THSD4: variants seen among roughly 807,000 people sequenced by gnomAD.
THSD4 encodes the protein thrombospondin type 1 domain containing 4, also known as thrombospondin type-1 domain-containing protein 4.
THSD4 carries 69 observed loss-of-function variants against 119.0 expected under a neutral mutation model. That is an observed-to-expected ratio of 0.58 (90% CI 0.48 to 0.71). The LOEUF (loss-of-function observed/expected upper bound fraction) is 0.71. Ranked by LOEUF, THSD4 falls within the 30% of genes least tolerant of loss-of-function variation. The pLI is 0.00. For synonymous variants in THSD4, 524 were observed against 540.4 expected (o/e 0.97, Z 0.42); for missense variants, 1,393 against 1,391.1 (o/e 1.00, Z -0.02).
chr15:71,224,959 G>A (rs925888696), intron 4 of THSD4, among the ~76,000 whole-genome samples: 2 of 152,156 alleles, frequency 1.3e-5, no homozygotes, highest in African/African-American at 4.8e-5. Flanking sequence ...CTGGGGGTTA[G>A]GATGTGGACA....
At chr15:71,532,971 A>T (rs2048637946) in intron 7 of THSD4, among the ~76,000 whole-genome samples, 2 of 152,212 alleles carry the variant, frequency 1.3e-5, no homozygotes, top group Non-Finnish European at 2.9e-5. Flanking sequence ...ACCTTTGGTC[A>T]TGGAAAGAAA....
In THSD4 at chr15:71,121,604, C is replaced by T. The variant is rs569037128; in HGVS notation, c.-80+5906C>T. ...GCCCCTTTGATGACATTACCCTGCCCCTCGTCTCCTGCCCTCATGCTAGGT... is the reference window on the plus strand; with the variant it reads ...GCCCCTTTGATGACATTACCCTGCCTCTCGTCTCCTGCCCTCATGCTAGGT... On this transcript the variant is annotated intron_variant, in intron 1 of 17. Coordinates refer to ENST00000261862, the MANE Select transcript of THSD4 (RefSeq NM_024817.3). Among the ~76,000 whole-genome samples, 57 of 152,142 alleles carry T rather than the reference C, an allele frequency of 3.7e-4. 1 individual carries two copies. Among genetic ancestry groups the T allele is most frequent in the Non-Finnish European group, 4.9e-4 (33 of 68,032 alleles).
chr15:71,686,132 G>T (rs1214638245), intron 8 of THSD4, among the ~76,000 whole-genome samples: 1 of 152,110 alleles, frequency 6.6e-6, no homozygotes, highest in African/African-American at 2.4e-5. Flanking sequence ...GTACAGTTCA[G>T]TGGCATTAAG....
chr15:71,547,192 G>A lies in THSD4; in HGVS notation c.1153-113338G>A, dbSNP rs538483994. ...CTGGCTCCTGTCCCCTCCCCCAGCC[G>A]GGAGAAGTTATTACATGAAGAGATC... On this transcript the variant is annotated intron_variant, in intron 7 of 17. Transcript: ENST00000261862. 3.8e-4 allele frequency: 502 copies of A among 1,317,096 alleles called. 6 individuals are homozygous for A. The South Asian group carries it at 6.2e-3, about 16-fold the overall frequency. The allele number at this position is 1,317,096 out of a possible 1,614,324, so 81.6% of individuals were successfully genotyped here. A position where few individuals can be genotyped will look rare whatever the true frequency, so the allele number is the denominator to read the frequency against.
intron 15 of THSD4, among the ~76,000 whole-genome samples, chr15:71,760,701 A>G (rs1177781773): frequency 1.3e-5 from 2 of 152,232 alleles, no homozygotes; most frequent in East Asian, 1.9e-4. Flanking sequence ...CATTTATTGC[A>G]ATAGATATAT....
chr15:71,589,760 T>C (rs2049759332), intron 7 of THSD4, among the ~76,000 whole-genome samples: 1 of 139,504 alleles, frequency 7.2e-6, no homozygotes, highest in African/African-American at 2.5e-5. Context: ...ATAATGTTGC[T>C]AGCAGCACTG....
intron 7 of THSD4, among the ~76,000 whole-genome samples, chr15:71,628,081 C>T (rs1411582854): frequency 6.6e-6 from 1 of 152,178 alleles, no homozygotes; most frequent in Admixed American, 6.5e-5. Context: ...AACAAGTTAT[C>T]ATGGCCAGGC....
chr15:71,388,347 G>A (rs1239248674), intron 6 of THSD4, among the ~76,000 whole-genome samples: 1 of 152,116 alleles, frequency 6.6e-6, no homozygotes, highest in Admixed American at 6.5e-5. Context: ...GTGAAGTGAT[G>A]GAAATTTATC....
rs374123828 is a variant in THSD4 at position 71,748,439 on chromosome 15, G to A, written c.2260G>A (p.Val754Met). ...DWTSCSVPCG[V>M]GQRTRDVKCV... ...GTTTCAGTGCTCGGTGCCCTGCGGC[G>A]TGGGACAGAGGACCCGTGATGTGAA... The change falls in exon 14 of 18, where the codon GTG (valine) becomes ATG (methionine). Residue 754 changes from valine to methionine, a missense_variant. By Grantham distance (21) the Val-to-Met change is conservative. Transcript: ENST00000261862. 3.2e-5 allele frequency: 52 copies of A among 1,614,180 alleles called. No homozygotes were observed. Among genetic ancestry groups the A allele is most frequent in the Non-Finnish European group, 3.5e-5 (41 of 1,180,028 alleles).
At chr15:71,304,623 A>G (rs1479996344) in intron 6 of THSD4, among the ~76,000 whole-genome samples, 2 of 152,230 alleles carry the variant, frequency 1.3e-5, no homozygotes, top group African/African-American at 4.8e-5. Context: ...AACATTACCT[A>G]AGAACTTTGA....
At chr15:71,432,438 T>C (rs570212203) in intron 7 of THSD4, among the ~76,000 whole-genome samples, 12 of 151,826 alleles carry the variant, frequency 7.9e-5, no homozygotes, top group Non-Finnish European at 1.3e-4. Flanking sequence ...TACTCTTTGA[T>C]AGACGGGAGA....
At chr15:71,357,324 C>T (rs977075790) in intron 6 of THSD4, among the ~76,000 whole-genome samples, 1 of 152,150 alleles carries the variant, frequency 6.6e-6, no homozygotes, top group African/African-American at 2.4e-5. Context: ...TGCTCTAGAC[C>T]CCATCGCTGA....
chr15:71,705,195 A>C (rs990604501), intron 8 of THSD4, among the ~76,000 whole-genome samples: 8 of 152,130 alleles, frequency 5.3e-5, no homozygotes, highest in African/African-American at 1.9e-4. Flanking sequence ...GGCCAGAGGG[A>C]TGGGCACCCG....
chr15:71,464,885 C>G (rs767816359), intron 7 of THSD4, among the ~76,000 whole-genome samples: 3 of 152,074 alleles, frequency 2.0e-5, no homozygotes, highest in Non-Finnish European at 2.9e-5. Flanking sequence ...AAACACTACC[C>G]CCTCCCCCTT....
chr15:71,146,707 C>T (rs1013327201), intron 2 of THSD4, among the ~76,000 whole-genome samples: 15 of 152,122 alleles, frequency 9.9e-5, no homozygotes, highest in African/African-American at 3.6e-4. Context: ...GAATCGGCCG[C>T]AGTCTTGTCT....
chr15:71,395,914 GACACACACAC>G (rs58433075), intron 6 of THSD4, among the ~76,000 whole-genome samples: 38 of 133,296 alleles, frequency 2.9e-4, no homozygotes, highest in Non-Finnish European at 3.3e-4. Flanking sequence ...TTTGAAGAGA[GACACACACAC>G]ACACACACAC....
intron 7 of THSD4, among the ~76,000 whole-genome samples, chr15:71,435,081 A>T (rs1050441294): frequency 3.3e-5 from 5 of 152,256 alleles, no homozygotes; most frequent in African/African-American, 1.2e-4. Flanking sequence ...GATCAATGAC[A>T]AATGTGTGCT....
chr15:71,659,676 T>C (rs954457), intron 7 of THSD4, among the ~76,000 whole-genome samples: 39,852 of 152,052 alleles, frequency 0.26, 6,016 homozygotes, highest in East Asian at 0.7. Context: ...CCTCCTAAAG[T>C]GCTGAGACTA....
intron 2 of THSD4, among the ~76,000 whole-genome samples, chr15:71,149,531 G>A (rs946685095): frequency 6.6e-6 from 1 of 152,078 alleles, no homozygotes; most frequent in Non-Finnish European, 1.5e-5. Flanking sequence ...TTACAGATGT[G>A]AGCCACTGTG....
Sources: gnomAD v4.1 joint callset for allele counts (sites outside exome capture counted in the v4.1 genomes callset) on GRCh38, gnomAD v4.1.1 for gene constraint, MANE v1.5 for transcripts, NCBI Gene and HGNC (gene_info 2026-07-23, HGNC 2026-07-21) for gene names.